Variants in LRP1B observed in about 807,000 individuals in gnomAD.
LRP1B encodes LDL receptor related protein 1B.
Under a neutral mutation model 556.6 loss-of-function variants are expected in LRP1B, and 217 were observed. That is an observed-to-expected ratio of 0.39 (90% CI 0.35 to 0.44). The LOEUF (loss-of-function observed/expected upper bound fraction) is 0.44. Ranked by LOEUF, LRP1B falls within the 20% of genes least tolerant of loss-of-function variation. LRP1B has a pLI of 1.00. For missense variants in LRP1B, 5,053 were observed against 5,620.8 expected (o/e 0.90, Z 3.23); for synonymous variants, 2,047 against 1,865.8 (o/e 1.10, Z -2.50).
chr2:141,822,112 C>G (rs1473766106), intron 1 of LRP1B, among the ~76,000 whole-genome samples: 1 of 111,650 alleles, frequency 9.0e-6, no homozygotes, highest in African/African-American at 4.2e-5. Flanking sequence ...CACACACACA[C>G]ACACACACAC....
At chr2:141,877,953 G>A (rs1698823773) in intron 1 of LRP1B, among the ~76,000 whole-genome samples, 1 of 151,714 alleles carries the variant, frequency 6.6e-6, no homozygotes, top group Non-Finnish European at 1.5e-5. Context: ...TTTTAACTAA[G>A]AAAAAATAAG....
chr2:141,200,816 A>G (rs1003601455), intron 6 of LRP1B, among the ~76,000 whole-genome samples: 1 of 152,158 alleles, frequency 6.6e-6, no homozygotes, highest in Admixed American at 6.6e-5. Flanking sequence ...GTTATTTCCA[A>G]AACCCAGAAC....
At chr2:141,040,008 G>T (rs1280205442) in intron 11 of LRP1B, among the ~76,000 whole-genome samples, 1 of 152,074 alleles carries the variant, frequency 6.6e-6, no homozygotes, top group Non-Finnish European at 1.5e-5. Context: ...GAGTCAGTAT[G>T]TGCAAACAGG....
chr2:140,666,082 C>T (rs1574214300), intron 41 of LRP1B, among the ~76,000 whole-genome samples: 2 of 151,748 alleles, frequency 1.3e-5, no homozygotes, highest in South Asian at 4.2e-4. Context: ...CAACCTCTGC[C>T]CTCCAAGTTC....
At chr2:141,397,843 T>C (rs1001406502) in intron 3 of LRP1B, among the ~76,000 whole-genome samples, 2 of 150,990 alleles carry the variant, frequency 1.3e-5, no homozygotes, top group African/African-American at 4.9e-5. Context: ...CATATGCCTA[T>C]ACATTTTATA....
rs529060700 is a variant in LRP1B at position 141,430,734 on chromosome 2, C to A, written c.343+49662G>T. On this transcript the variant is annotated intron_variant, in intron 3 of 90. Coordinates refer to ENST00000389484, the MANE Select transcript of LRP1B (RefSeq NM_018557.3). ...GGGAGGCAGAATATTAAAGCTATTC[C>A]CTAAAAAGCCCTTGCCTTTTGGTTA... Among the ~76,000 whole-genome samples, 27 of 151,984 alleles carry A rather than the reference C, an allele frequency of 1.8e-4. No individual in the cohort carries two copies. In the South Asian group the frequency reaches 5.4e-3, roughly 30 times the overall value.
At chr2:141,041,003 C>G (rs150286820) in intron 11 of LRP1B, among the ~76,000 whole-genome samples, 1 of 152,166 alleles carries the variant, frequency 6.6e-6, no homozygotes, top group East Asian at 1.9e-4. Context: ...TTATTCATTA[C>G]TCTTTAACTT....
intron 1 of LRP1B, among the ~76,000 whole-genome samples, chr2:141,851,506 A>C (rs943252353): frequency 1.3e-5 from 2 of 151,858 alleles, no homozygotes; most frequent in African/African-American, 2.4e-5. Flanking sequence ...GCTGTGTGAA[A>C]ATTTGCCAGT....
At chr2:140,537,172 A>AAAT (rs10630398) in intron 45 of LRP1B, among the ~76,000 whole-genome samples, 72,619 of 144,712 alleles carry the variant, frequency 0.5, 18,507 homozygotes, top group East Asian at 0.61. Context: ...CTCTGTATCA[A>AAAT]AATAATAATT....
chr2:141,208,114 T>C (rs1217515328), intron 6 of LRP1B: 1 of 152,260 alleles, frequency 6.6e-6, no homozygotes, highest in East Asian at 1.9e-4. Flanking sequence ...TCATACTGAC[T>C]GAGAATGTCT....
intron 89 of LRP1B, 110 bp from the exon 90 acceptor site, chr2:140,234,994 T>C: frequency 1.8e-6 from 1 of 553,140 alleles, no homozygotes; most frequent in Non-Finnish European, 3.3e-6. Context: ...CCTTTAGCCT[T>C]ACACCATTTA....
At chr2:141,822,013 T>C (rs1268668320) in intron 1 of LRP1B, among the ~76,000 whole-genome samples, 1 of 151,784 alleles carries the variant, frequency 6.6e-6, no homozygotes, top group Non-Finnish European at 1.5e-5. Flanking sequence ...TTTCTTGTGT[T>C]TTTTTAGACA....
intron 1 of LRP1B, among the ~76,000 whole-genome samples, chr2:142,080,321 C>T (rs1178182466): frequency 6.6e-6 from 1 of 152,066 alleles, no homozygotes; most frequent in Non-Finnish European, 1.5e-5. Context: ...TTTGGGAACA[C>T]ACAAGTTCAC....
chr2:142,112,944 T>C (rs940529605), intron 1 of LRP1B, among the ~76,000 whole-genome samples: 2 of 152,166 alleles, frequency 1.3e-5, no homozygotes, highest in Non-Finnish European at 2.9e-5. Context: ...TTCCATTCTC[T>C]TATTGCAAAA....
At chr2:141,963,044 C>T (rs576103168) in intron 1 of LRP1B, among the ~76,000 whole-genome samples, 19 of 151,596 alleles carry the variant, frequency 1.3e-4, no homozygotes, top group African/African-American at 4.1e-4. Context: ...GATTTCAAGC[C>T]AAAGTGACAT....
At chr2:141,387,173 T>C (rs112877798) in intron 3 of LRP1B, among the ~76,000 whole-genome samples, 16 of 152,064 alleles carry the variant, frequency 1.1e-4, no homozygotes, top group Admixed American at 2.6e-4. Flanking sequence ...GCACACATAC[T>C]AAATTATGTT....
chr2:140,264,227 T>G (rs1682082820), intron 86 of LRP1B, among the ~76,000 whole-genome samples: 1 of 151,114 alleles, frequency 6.6e-6, no homozygotes, highest in South Asian at 2.1e-4. Context: ...TGTTTTGTTT[T>G]TTTGGTTTGT....
intron 1 of LRP1B, among the ~76,000 whole-genome samples, chr2:141,967,840 T>G (rs920345773): frequency 6.6e-6 from 1 of 151,888 alleles, no homozygotes; most frequent in Admixed American, 6.6e-5. Context: ...TGAGTTTATA[T>G]CTCTTTAGTT....
At chr2:141,235,796 A>G (rs1683629810) in intron 5 of LRP1B, among the ~76,000 whole-genome samples, 1 of 152,156 alleles carries the variant, frequency 6.6e-6, no homozygotes, top group Non-Finnish European at 1.5e-5. Flanking sequence ...TTCGGCTAAT[A>G]TTTACCACAT....
Sources: allele counts gnomAD v4.1 joint callset (sites outside exome capture counted in the v4.1 genomes callset), GRCh38; gene constraint gnomAD v4.1.1; transcripts MANE v1.5; gene names NCBI Gene and HGNC (gene_info 2026-07-23, HGNC 2026-07-21).